Variants in DPP10 observed in about 807,000 individuals in gnomAD.
The protein encoded by DPP10 is inactive dipeptidyl peptidase 10.
Under a neutral mutation model 120.9 loss-of-function variants are expected in DPP10, and 33 were observed. That is an observed-to-expected ratio of 0.27 (90% confidence interval 0.21 to 0.37). The LOEUF (loss-of-function observed/expected upper bound fraction) is 0.37, where lower values mean the gene tolerates loss of function less well. DPP10 is among the 10% of genes least tolerant of loss of function. The probability of loss-of-function intolerance (pLI) is 1.00; values close to 1 mark genes in which losing one functional copy is unlikely to be tolerated. For missense variants in DPP10, 816 were observed against 942.8 expected, an observed-to-expected ratio of 0.87 and a Z score of 1.76; for synonymous variants, 337 against 326.1, an observed-to-expected ratio of 1.03 and a Z score of -0.36.
chr2:114,801,380 C>T (rs112312534), intron 1 of DPP10, among the ~76,000 whole-genome samples: 7 of 152,058 alleles, frequency 4.6e-5, no homozygotes, highest in African/African-American at 1.7e-4. Flanking sequence ...TTGGAAACTA[C>T]AGGCAGTGAC....
chr2:114,594,857 T>A (rs537853328), intron 1 of DPP10, among the ~76,000 whole-genome samples: 1 of 152,186 alleles, frequency 6.6e-6, no homozygotes, highest in Non-Finnish European at 1.5e-5. Flanking sequence ...CTGACTCTGC[T>A]TACCTTTCCT....
chr2:115,345,826 T>C (rs2063685397), intron 3 of DPP10, among the ~76,000 whole-genome samples: 2 of 152,226 alleles, frequency 1.3e-5, no homozygotes. Context: ...GTTACCAAAA[T>C]AATATATTTG....
chr2:114,701,546 C>T (rs910103614), intron 1 of DPP10, among the ~76,000 whole-genome samples: 1 of 152,076 alleles, frequency 6.6e-6, no homozygotes, highest in Admixed American at 6.6e-5. Context: ...AATTATTGCT[C>T]TCATTTTAAA....
chr2:115,327,299 A>G (rs1244944202), intron 2 of DPP10, among the ~76,000 whole-genome samples: 1 of 152,030 alleles, frequency 6.6e-6, no homozygotes, highest in Non-Finnish European at 1.5e-5. Flanking sequence ...AAGTTGCCTA[A>G]TAGCACATTC....
At chr2:115,276,453 T>C (rs1160352257) in intron 1 of DPP10, among the ~76,000 whole-genome samples, 1 of 152,158 alleles carries the variant, frequency 6.6e-6, no homozygotes, top group East Asian at 1.9e-4. Flanking sequence ...TGCAAGCAAA[T>C]ATATATTTTT....
chr2:115,721,201 C>G (rs886763469), intron 7 of DPP10, among the ~76,000 whole-genome samples: 19 of 152,160 alleles, frequency 1.2e-4, no homozygotes, highest in African/African-American at 4.3e-4. Context: ...GGCAGAATAT[C>G]TGAATCATTC....
intron 1 of DPP10, among the ~76,000 whole-genome samples, chr2:115,308,128 A>G (rs1468279352): frequency 2.0e-5 from 3 of 152,168 alleles, no homozygotes; most frequent in Non-Finnish European, 4.4e-5. Context: ...GCACAATTCA[A>G]TACCAAAATA....
intron 24 of DPP10, among the ~76,000 whole-genome samples, chr2:115,839,490 A>G (rs1307456103): frequency 6.6e-6 from 1 of 151,782 alleles, no homozygotes; most frequent in Non-Finnish European, 1.5e-5. Flanking sequence ...CCTGACCAAC[A>G]TGGTGAAACC....
chr2:115,364,668 T>C (rs1559487844), intron 3 of DPP10, among the ~76,000 whole-genome samples: 3 of 151,876 alleles, frequency 2.0e-5, no homozygotes, highest in South Asian at 2.1e-4. Context: ...ATGACTTTTA[T>C]GCTTAGCAAT....
intron 3 of DPP10, among the ~76,000 whole-genome samples, chr2:115,438,454 C>T (rs534078715): frequency 1.3e-5 from 2 of 152,254 alleles, no homozygotes; most frequent in South Asian, 4.1e-4. Flanking sequence ...CAACATTACT[C>T]TCAGTAGCCC....
chr2:115,403,340 C>T (rs936416516), intron 3 of DPP10, among the ~76,000 whole-genome samples: 4 of 148,728 alleles, frequency 2.7e-5, no homozygotes, highest in African/African-American at 5.0e-5. Flanking sequence ...GACAAGACAA[C>T]GATGCTCACT....
At chr2:114,510,273 A>G (rs1339885228) in intron 1 of DPP10, among the ~76,000 whole-genome samples, 2 of 152,208 alleles carry the variant, frequency 1.3e-5, no homozygotes, top group East Asian at 3.8e-4. Flanking sequence ...TTCTCATCAG[A>G]AACTGAGGAT....
At chr2:115,127,126 T>C (rs144920546) in intron 1 of DPP10, among the ~76,000 whole-genome samples, 2 of 152,218 alleles carry the variant, frequency 1.3e-5, no homozygotes, top group East Asian at 3.9e-4. Context: ...CACAGTAATA[T>C]ACCCTAACTG....
intron 5 of DPP10, among the ~76,000 whole-genome samples, chr2:115,566,840 A>G (rs569454528): frequency 6.6e-6 from 1 of 152,310 alleles, no homozygotes; most frequent in South Asian, 2.1e-4. Flanking sequence ...ATTATAATCC[A>G]TTAATTCATA....
chr2:115,740,843 T>C (rs1489753844), intron 9 of DPP10, among the ~76,000 whole-genome samples: 3 of 152,158 alleles, frequency 2.0e-5, no homozygotes, highest in Non-Finnish European at 4.4e-5. Context: ...AGAAGTCTTA[T>C]GGGAAACGTG....
intron 1 of DPP10, among the ~76,000 whole-genome samples, chr2:114,653,059 T>TGTGTGTGTG (rs34619030): frequency 1.3e-5 from 2 of 151,116 alleles, no homozygotes; most frequent in African/African-American, 4.9e-5. Context: ...TGTGTGTGTG[T>TGTGTGTGTG]TTTACTACCT....
At chr2:115,753,709 A>G (rs1414991355) in intron 11 of DPP10, among the ~76,000 whole-genome samples, 1 of 152,122 alleles carries the variant, frequency 6.6e-6, no homozygotes, top group Admixed American at 6.6e-5. Flanking sequence ...TGATAAAATA[A>G]CAGTGTTTCT....
At chr2:115,815,762 A>G (rs369304732) in intron 21 of DPP10, 33 bp downstream of exon 21, 1 of 1,563,564 alleles carries the variant, frequency 6.4e-7, no homozygotes. Context: ...CTATCTTTTT[A>G]TGCGTATCTA....
chr2:115,500,633 A>C (rs934899976), intron 4 of DPP10, among the ~76,000 whole-genome samples: 2 of 152,002 alleles, frequency 1.3e-5, no homozygotes, highest in African/African-American at 4.8e-5. Context: ...ACTAATGTAC[A>C]TTAATAATAA....
Sources: allele counts gnomAD v4.1 joint callset (sites outside exome capture counted in the v4.1 genomes callset), GRCh38; gene constraint gnomAD v4.1.1; transcripts MANE v1.5; gene names NCBI Gene and HGNC (gene_info 2026-07-23, HGNC 2026-07-21).